Variants in TRIO observed in about 807,000 individuals in gnomAD.
The protein encoded by TRIO is triple functional domain protein.
TRIO carries 58 observed loss-of-function variants against 351.9 expected under a neutral mutation model. The ratio of observed to expected loss-of-function variants is 0.16; its 90% CI spans 0.13 to 0.21. The LOEUF is 0.21. TRIO is among the 10% of genes least tolerant of loss of function. The probability of loss-of-function intolerance (pLI) is 1.00; values close to 1 mark genes in which losing one functional copy is unlikely to be tolerated. For synonymous variants in TRIO, 1,758 were observed against 1,595.7 expected, an observed-to-expected ratio of 1.10 and a Z score of -2.42; for missense variants, 3,201 against 4,027.8, an observed-to-expected ratio of 0.79 and a Z score of 5.56.
chr5:14,391,548 T>C (rs1440584873), intron 27 of TRIO, among the ~76,000 whole-genome samples: 4 of 152,230 alleles, frequency 2.6e-5, no homozygotes, highest in Admixed American at 1.3e-4. Context: ...TCATCTGTGT[T>C]TTGAAAGCTG....
intron 1 of TRIO, among the ~76,000 whole-genome samples, chr5:14,165,351 G>A (rs553450273): frequency 1.3e-5 from 2 of 152,234 alleles, no homozygotes; most frequent in Admixed American, 1.3e-4. Context: ...ACTTATAAGC[G>A]AGAACATGCA....
intron 40 of TRIO, among the ~76,000 whole-genome samples, chr5:14,475,497 G>A (rs972982321): frequency 7.2e-5 from 11 of 152,218 alleles, no homozygotes; most frequent in African/African-American, 2.4e-4. Context: ...ATCAAGTAGT[G>A]TTGTTATTTC....
intron 10 of TRIO, among the ~76,000 whole-genome samples, chr5:14,335,912 C>G (rs959314306): frequency 6.6e-6 from 1 of 152,160 alleles, no homozygotes; most frequent in Non-Finnish European, 1.5e-5. Context: ...CTGCAGTGAG[C>G]TGTGATCACA....
intron 1 of TRIO, among the ~76,000 whole-genome samples, chr5:14,157,921 G>A (rs1348495648): frequency 1.3e-5 from 2 of 152,010 alleles, no homozygotes; most frequent in East Asian, 1.9e-4. Flanking sequence ...ATGATGACAC[G>A]GATATTACGT....
Position 14,387,799 on chromosome 5 carries a change from C to T in TRIO, c.3833C>T (p.Ala1278Val). ...GGCTCAGAGGTGAAACTTCGAGATG[C>T]TGCTCATGAACTTAATGAAGAGAAG... ...IPGSEVKLRD[A>V]AHELNEEKRK... The change falls in exon 23 of 57, where the codon GCT (alanine) becomes GTT (valine). Residue 1278 changes from alanine (A) to valine (V), a missense_variant. Coordinates refer to ENST00000344204, the MANE Select transcript of TRIO (RefSeq NM_007118.4). 6.2e-7 allele frequency: 1 copy of T among 1,614,190 alleles called. No homozygotes were observed. Among genetic ancestry groups the T allele is most frequent in the South Asian group, 1.1e-5 (1 of 91,088 alleles).
chr5:14,440,894 T>C (rs565101198), intron 34 of TRIO: 1 of 152,296 alleles, frequency 6.6e-6, no homozygotes, highest in South Asian at 2.1e-4. Context: ...GGGAGAGACA[T>C]CTGGTTTCCA....
intron 1 of TRIO, among the ~76,000 whole-genome samples, chr5:14,225,546 C>A (rs1356643958): frequency 3.3e-5 from 5 of 152,236 alleles, no homozygotes; most frequent in African/African-American, 9.6e-5. Context: ...AGGGTTCTTG[C>A]TGGCTGTTGG....
At chr5:14,280,553 T>G (rs1427381250) in intron 3 of TRIO, 117 bp downstream of exon 3, 3 of 860,146 alleles carry the variant, frequency 3.5e-6, no homozygotes, top group Non-Finnish European at 1.9e-6. Context: ...TAGTATAAAA[T>G]GAAAGTCATT....
rs765173593 is a variant in TRIO, at chr5:14,488,277, G to GC, written c.7632+20dup. Reference sequence around the variant, plus strand: ...AGCAACGGGGTAAGCGCGTCGGGGGGCCCGCGCCCTCCCGCCCCCCTGCCT... The same window carrying GC: ...AGCAACGGGGTAAGCGCGTCGGGGGGCCCCGCGCCCTCCCGCCCCCCTGCCT... On this transcript the variant is annotated intron_variant, in intron 48 of 56. Transcript: ENST00000344204. 1.2e-5 allele frequency: 19 copies of GC among 1,538,254 alleles called. No homozygotes were observed. The highest frequency in any genetic ancestry group is 1.5e-5 in the Non-Finnish European group (17 of 1,146,510).
At chr5:14,183,798 A>G (rs1581297785) in intron 1 of TRIO, 1 of 599,052 alleles carries the variant, frequency 1.7e-6, no homozygotes, top group East Asian at 3.1e-5. Context: ...CTCACTGCCC[A>G]TTTGGGATAT....
chr5:14,264,550 T>A (rs957759803), intron 1 of TRIO, among the ~76,000 whole-genome samples: 1 of 152,134 alleles, frequency 6.6e-6, no homozygotes, highest in South Asian at 2.1e-4. Flanking sequence ...AGCATTGTAT[T>A]ATGTTTTGAT....
intron 10 of TRIO, among the ~76,000 whole-genome samples, chr5:14,332,488 C>T (rs538820767): frequency 2.0e-5 from 3 of 152,232 alleles, no homozygotes; most frequent in South Asian, 2.1e-4. Flanking sequence ...TTGTGACAGC[C>T]GTTAGAGCAT....
chr5:14,209,961 G>T (rs1029486615), intron 1 of TRIO, among the ~76,000 whole-genome samples: 3 of 152,190 alleles, frequency 2.0e-5, no homozygotes, highest in Non-Finnish European at 4.4e-5. Flanking sequence ...CTCTCCCTGT[G>T]TGCTGAGCTC....
intron 2 of TRIO, among the ~76,000 whole-genome samples, chr5:14,276,399 A>G (rs1279375609): frequency 6.6e-6 from 1 of 152,244 alleles, no homozygotes; most frequent in African/African-American, 2.4e-5. Context: ...GCAAGAGGTG[A>G]GCCTAGAAGG....
At chr5:14,284,437 T>A (rs1736271355) in intron 3 of TRIO, among the ~76,000 whole-genome samples, 1 of 152,124 alleles carries the variant, frequency 6.6e-6, no homozygotes, top group Non-Finnish European at 1.5e-5. Flanking sequence ...AATAGATGGA[T>A]TGAAATGCTG....
intron 3 of TRIO, among the ~76,000 whole-genome samples, chr5:14,281,222 AATTG>A (rs1158099749): frequency 6.6e-6 from 1 of 152,160 alleles, no homozygotes; most frequent in Admixed American, 6.5e-5. Context: ...AAAGAGGTTT[AATTG>A]ATTTAATGGC....
At chr5:14,164,026 C>T (rs1322251725) in intron 1 of TRIO, among the ~76,000 whole-genome samples, 2 of 152,144 alleles carry the variant, frequency 1.3e-5, no homozygotes, top group African/African-American at 2.4e-5. Flanking sequence ...CTTTCTTTGA[C>T]TCCTTTTTTA....
intron 37 of TRIO, among the ~76,000 whole-genome samples, chr5:14,469,156 TAAACC>T (rs1051168998): frequency 6.6e-6 from 1 of 151,676 alleles, no homozygotes; most frequent in African/African-American, 2.4e-5. Context: ...AACAACAAAA[TAAACC>T]AAAGAAAAGC....
chr5:14,309,472 G>A (rs916096800), intron 8 of TRIO, among the ~76,000 whole-genome samples: 1 of 152,198 alleles, frequency 6.6e-6, no homozygotes, highest in African/African-American at 2.4e-5. Flanking sequence ...GGGAAGGGAA[G>A]GACTGCTTTT....
Sources: gnomAD v4.1 joint callset for allele counts (sites outside exome capture counted in the v4.1 genomes callset) on GRCh38, gnomAD v4.1.1 for gene constraint, MANE v1.5 for transcripts, NCBI Gene and HGNC (gene_info 2026-07-23, HGNC 2026-07-21) for gene names.